Variants in SMARCB1 observed in about 807,000 individuals in gnomAD.
SMARCB1 encodes SWI/SNF related BAF chromatin remodeling complex subunit B1, also known as SWI/SNF-related matrix-associated actin-dependent regulator of chromatin subfamily B member 1.
A neutral mutation model predicts 49.0 loss-of-function variants in SMARCB1; 5 were observed. The ratio of observed to expected loss-of-function variants is 0.10; its 90% CI spans 0.05 to 0.21. SMARCB1 has a LOEUF of 0.21. Among genes scored for constraint, SMARCB1 ranks in the 10% least tolerant of loss-of-function variants. The pLI, the probability that SMARCB1 is intolerant of heterozygous loss-of-function variation, is 1.00. For synonymous variants in SMARCB1, 201 were observed against 200.1 expected (o/e 1.00, Z -0.04); for missense variants, 226 against 509.2 (o/e 0.44, Z 5.35).
At chr22:23,795,657 A>G (rs1928695982) in intron 3 of SMARCB1, among the ~76,000 whole-genome samples, 2 of 151,794 alleles carry the variant, frequency 1.3e-5, no homozygotes, top group South Asian at 4.1e-4. Flanking sequence ...ACTCCATCTC[A>G]AAATAATAAA....
intron 5 of SMARCB1, among the ~76,000 whole-genome samples, chr22:23,808,720 G>A (rs1423138158): frequency 2.0e-5 from 3 of 148,740 alleles, no homozygotes; most frequent in Non-Finnish European, 3.0e-5. Context: ...TTTTTGAGAC[G>A]GAGTTTCCGC....
chr22:23,787,615 G>T (rs1416252791), intron 1 of SMARCB1, among the ~76,000 whole-genome samples: 1 of 152,138 alleles, frequency 6.6e-6, no homozygotes, highest in Non-Finnish European at 1.5e-5. Flanking sequence ...TGCTGCCTTT[G>T]ACCCTTTTTA....
chr22:23,805,606 A>G (rs2145987240), intron 5 of SMARCB1, among the ~76,000 whole-genome samples: 1 of 152,230 alleles, frequency 6.6e-6, no homozygotes. Context: ...CCCAGGTTCA[A>G]GTGATTCTCC....
chr22:23,837,063 C>T lies in SMARCB1; in HGVS notation c.*2883C>T. On this transcript the variant is annotated 3_prime_UTR_variant, in exon 9 of 9. Transcript: ENST00000644036. The stretch of plus-strand genomic sequence containing the variant: ...AGGGAGGGAGGGCTCTCAACACTCA[C>T]AGGAAGCCAGGGGTCTGCAGGAGCC... The T allele has an allele frequency of 6.2e-7, 1 of 1,613,768 alleles. No individual in the cohort carries two copies. Among genetic ancestry groups the T allele is most frequent in the Non-Finnish European group, 8.5e-7 (1 of 1,179,836 alleles).
chr22:23,836,572 A>C lies in SMARCB1; in HGVS notation c.*2392A>C. ...GCTCTGCCTGGCAACCTGTGAGCTC[A>C]AAGCTCTGCCAGGCAACCATGGGCA... On this transcript the variant is annotated 3_prime_UTR_variant, in exon 9 of 9. Coordinates refer to ENST00000644036, the MANE Select transcript of SMARCB1 (RefSeq NM_003073.5). 2.7e-6 allele frequency: 3 copies of C among 1,123,616 alleles called. No individual in the cohort carries two copies. Among genetic ancestry groups the C allele is most frequent in the Non-Finnish European group, 3.3e-6 (3 of 920,394 alleles). 69.6% of individuals were successfully genotyped at this position (1,123,616 alleles called of 1,614,324 possible).
intron 3 of SMARCB1, among the ~76,000 whole-genome samples, chr22:23,796,796 T>G (rs1928774985): frequency 6.6e-6 from 1 of 152,038 alleles, no homozygotes; most frequent in Non-Finnish European, 1.5e-5. Context: ...AGGAGTGGAA[T>G]CCCGTTGCCC....
intron 3 of SMARCB1, among the ~76,000 whole-genome samples, chr22:23,797,299 G>GTTT (rs1160510750): frequency 7.3e-6 from 1 of 136,582 alleles, no homozygotes; most frequent in Non-Finnish European, 1.5e-5. Context: ...GGCCTGGCCT[G>GTTT]TTTTTTTTTA....
intron 3 of SMARCB1, 44 bp from the exon 4 acceptor site, chr22:23,800,900 A>G: frequency 7.0e-7 from 1 of 1,426,716 alleles, no homozygotes; most frequent in Non-Finnish European, 9.9e-7. Flanking sequence ...GGGCAGGATC[A>G]GGCTCCTATA....
In SMARCB1 at chr22:23,787,106, G is replaced by A. The variant is rs1928031350; in HGVS notation, c.-64G>A. 2.8e-6 allele frequency: 3 copies of A among 1,055,092 alleles called. No individual in the cohort carries two copies. The highest frequency in any genetic ancestry group is 3.5e-5 in the Admixed American group (2 of 56,812). 65.4% of individuals were successfully genotyped at this position (1,055,092 alleles called of 1,614,324 possible). A position where few individuals can be genotyped will look rare whatever the true frequency, so the allele number is the denominator to read the frequency against. On this transcript the variant is annotated 5_prime_UTR_variant, in exon 1 of 9. Transcript: ENST00000644036. ...GGTTTCCCTCGGCCCAGCACGCCCC[G>A]GCCCCGCCCCAGCCCTCCTGATCCC...
intron 1 of SMARCB1, among the ~76,000 whole-genome samples, 181 bp downstream of exon 1, chr22:23,787,443 C>T (rs1165431251): frequency 6.6e-6 from 1 of 151,964 alleles, no homozygotes; most frequent in Non-Finnish European, 1.5e-5. Context: ...CCCTCATCGA[C>T]CTGGGATTTC....
In SMARCB1 at chr22:23,810,857, C is replaced by G. The variant is rs191262110; in HGVS notation, c.629-5913C>G. On this transcript the variant is annotated intron_variant, in intron 5 of 8. Transcript: ENST00000644036. ...CCAGCCTGGCTAACATGGCAAAACC[C>G]TGTCTCTACTAAAAATACAAAAATT... Among the ~76,000 whole-genome samples the G allele has an allele frequency of 6.6e-5, 10 of 152,146 alleles. No individual in the cohort carries two copies. In the East Asian group the frequency reaches 1.5e-3, roughly 24 times the overall value.
chr22:23,810,254 T>C (rs1929782848), intron 5 of SMARCB1, among the ~76,000 whole-genome samples: 2 of 136,346 alleles, frequency 1.5e-5, no homozygotes, highest in Non-Finnish European at 3.2e-5. Context: ...ATTGCCGGCA[T>C]GGTGGCTCCC....
chr22:23,795,731 G>A (rs1928702400), intron 3 of SMARCB1, among the ~76,000 whole-genome samples: 1 of 151,090 alleles, frequency 6.6e-6, no homozygotes, highest in Admixed American at 6.6e-5. Flanking sequence ...ACAAAAAACT[G>A]GCAACATAAG....
chr22:23,812,500 A>G (rs1314519609), intron 5 of SMARCB1, among the ~76,000 whole-genome samples: 1 of 152,168 alleles, frequency 6.6e-6, no homozygotes, highest in Non-Finnish European at 1.5e-5. Flanking sequence ...TTACCTAGAT[A>G]CCAAACCTAA....
At chr22:23,806,131 A>G (rs1366344126) in intron 5 of SMARCB1, among the ~76,000 whole-genome samples, 1 of 152,234 alleles carries the variant, frequency 6.6e-6, no homozygotes, top group Non-Finnish European at 1.5e-5. Context: ...AGAACCAGGC[A>G]GAATGAGACG....
rs56800497 is a variant in SMARCB1 at position 23,830,649 on chromosome 22, C to CTTT, written c.987-2892_987-2890dup. Reference sequence around the variant, plus strand: ...TTCATTTTGATGTAGTCCAATTTATCTTTTTTTTTTTTTTTTTTTTTTTTT... The same window carrying CTTT: ...TTCATTTTGATGTAGTCCAATTTATCTTTTTTTTTTTTTTTTTTTTTTTTTTTT... On this transcript the variant is annotated intron_variant, in intron 7 of 8. Coordinates refer to ENST00000644036, the MANE Select transcript of SMARCB1 (RefSeq NM_003073.5). Among the ~76,000 whole-genome samples, 216 of 95,404 alleles carry CTTT rather than the reference C, an allele frequency of 2.3e-3. 20 individuals carry two copies. Among genetic ancestry groups the CTTT allele is most frequent in the African/African-American group, 8.0e-3 (154 of 19,190 alleles). 62.6% of individuals were successfully genotyped at this position (95,404 alleles called of 152,430 possible).
At chr22:23,797,811 G>A (rs547568069) in intron 3 of SMARCB1, among the ~76,000 whole-genome samples, 5 of 151,164 alleles carry the variant, frequency 3.3e-5, no homozygotes, top group South Asian at 2.1e-4. Context: ...TAGAGACGGG[G>A]TTTCACCATG....
intron 1 of SMARCB1, among the ~76,000 whole-genome samples, chr22:23,788,936 G>A (rs1928189950): frequency 6.6e-6 from 1 of 151,080 alleles, no homozygotes; most frequent in African/African-American, 2.4e-5. Context: ...TGCAACCTCC[G>A]CCTCCCAGGC....
chr22:23,834,888 A>T lies in SMARCB1; in HGVS notation c.*708A>T, dbSNP rs578226102. The T allele has an allele frequency of 6.2e-7, 1 of 1,612,310 alleles. No individual in the cohort carries two copies. Among genetic ancestry groups the T allele is most frequent in the East Asian group, 2.2e-5 (1 of 44,872 alleles). ...GCCGCCCTGGCTCTGCTGTGTCCAG[A>T]TGGTCAGGCTACTGCCAGCTGGGGC... On this transcript the variant is annotated 3_prime_UTR_variant, in exon 9 of 9. Transcript: ENST00000644036.
Sources: gnomAD v4.1 joint callset for allele counts (sites outside exome capture counted in the v4.1 genomes callset) on GRCh38, gnomAD v4.1.1 for gene constraint, MANE v1.5 for transcripts, NCBI Gene and HGNC (gene_info 2026-07-23, HGNC 2026-07-21) for gene names.